VASH2: variants seen among roughly 807,000 people sequenced by gnomAD.
VASH2 encodes the protein vasohibin 2.
In VASH2, 28 loss-of-function variants were observed where a neutral mutation model predicts 37.2. The ratio of observed to expected loss-of-function variants is 0.75; its 90% CI spans 0.56 to 1.03. VASH2 has a LOEUF of 1.03. VASH2 is among the 50% of genes least tolerant of loss of function. VASH2 has a pLI of 0.00. For synonymous variants in VASH2, 188 were observed against 174.7 expected, an observed-to-expected ratio of 1.08 and a Z score of -0.60; for missense variants, 419 against 459.1, an observed-to-expected ratio of 0.91 and a Z score of 0.80.
At chr1:212,958,467 C>T (rs1666564110) in intron 2 of VASH2, among the ~76,000 whole-genome samples, 1 of 152,214 alleles carries the variant, frequency 6.6e-6, no homozygotes, top group African/African-American at 2.4e-5. Context: ...TGGGGACCAC[C>T]TGCCGTCTGC....
chr1:212,976,360 T>G (rs532428410), intron 7 of VASH2, among the ~76,000 whole-genome samples: 2 of 152,298 alleles, frequency 1.3e-5, no homozygotes, highest in East Asian at 1.9e-4. Context: ...GAGCGATAAC[T>G]GCACAAGCCC....
At position 212,983,566 on chromosome 1, in the gene VASH2, G is replaced by A. The variant is rs116243615; in HGVS notation, c.996-4946G>A. Among the ~76,000 whole-genome samples, 488 of 152,336 alleles carry A rather than the reference G, an allele frequency of 3.2e-3. 3 individuals carry two copies. The highest frequency in any genetic ancestry group is 0.01 in the African/African-American group (428 of 41,578). The stretch of plus-strand genomic sequence containing the variant: ...CCCTGCCTCCCAACCCCACTGCACC[G>A]AGGATCGAGTTTCCAAACCCATGAA... On this transcript the variant is annotated intron_variant, in intron 7 of 7. Transcript: ENST00000517399.
At chr1:212,955,439 A>G (rs1330643852) in intron 2 of VASH2, among the ~76,000 whole-genome samples, 1 of 152,164 alleles carries the variant, frequency 6.6e-6, no homozygotes, top group African/African-American at 2.4e-5. Context: ...TGACGAGGTC[A>G]AAGGCAGGAT....
Position 212,951,468 on chromosome 1 carries a change from C to T in VASH2, c.-75C>T. 1 of 949,600 alleles carries T rather than the reference C, an allele frequency of 1.1e-6. No individual in the cohort carries two copies. Among genetic ancestry groups the T allele is most frequent in the Non-Finnish European group, 1.3e-6 (1 of 774,032 alleles). The allele number at this position is 949,600 out of a possible 1,614,324, so 58.8% of individuals were successfully genotyped here. Reference sequence around the variant, plus strand: ...CTGATCCCCTCGCCGCGCCCGCGCGCACACGCCCCCCGCCGCCGCCGCCGC... The same window carrying T: ...CTGATCCCCTCGCCGCGCCCGCGCGTACACGCCCCCCGCCGCCGCCGCCGC... On this transcript the variant is annotated 5_prime_UTR_variant, in exon 2 of 8. Transcript: ENST00000517399. The surrounding 1 kb of genome is among the most constrained non-coding windows in gnomAD (Gnocchi z 4.4).
chr1:212,963,438 A>C (rs1666738831), intron 3 of VASH2, among the ~76,000 whole-genome samples: 1 of 152,176 alleles, frequency 6.6e-6, no homozygotes, highest in African/African-American at 2.4e-5. Context: ...TCCTGGACAC[A>C]GTGACAGGTG....
chr1:212,970,898 G>GAAAA (rs111890314), intron 5 of VASH2, among the ~76,000 whole-genome samples: 4,894 of 143,420 alleles, frequency 0.034, 244 homozygotes, highest in Admixed American at 0.14. Context: ...TCAAAAAAAT[G>GAAAA]AAAAAAAAAA....
Position 212,965,726 on chromosome 1 carries a change from A to G in VASH2, c.370A>G (p.Asn124Asp). 6.4e-7 allele frequency: 1 copy of G among 1,551,978 alleles called. No individual in the cohort carries two copies. The highest frequency in any genetic ancestry group is 8.7e-7 in the Non-Finnish European group (1 of 1,146,762). Reference protein sequence around the residue: ...IQNYMKTLQYNHTGTQFFEIR... With the variant: ...IQNYMKTLQYDHTGTQFFEIR... Reference sequence around the variant, plus strand: ...CCCTTTACATACTTTACACAGATATAATCACACAGGGACCCAGTTCTTTGA... The same window carrying G: ...CCCTTTACATACTTTACACAGATATGATCACACAGGGACCCAGTTCTTTGA... The change falls in exon 4 of 8, where the codon AAT becomes GAT. Residue 124 changes from asparagine (N) to aspartate (D), a missense_variant. By Grantham distance (23) the Asn-to-Asp change is conservative (BLOSUM62 1). This residue lies in a region of VASH2 where 84 missense variants were observed against 129.9 expected (regional missense o/e 0.65). Transcript: ENST00000517399.
chr1:212,988,425 A>G (rs573659504), intron 7 of VASH2, 87 bp from the exon 8 acceptor site: 3 of 1,391,608 alleles, frequency 2.2e-6, no homozygotes, highest in Admixed American at 1.8e-5. Flanking sequence ...AAGGATTAGG[A>G]AAACCGAGTA....
At chr1:212,985,342 T>C (rs1386532203) in intron 7 of VASH2, among the ~76,000 whole-genome samples, 2 of 150,844 alleles carry the variant, frequency 1.3e-5, no homozygotes, top group African/African-American at 4.9e-5. Flanking sequence ...CACCCAGCCA[T>C]GATTCACTTT....
In VASH2 at chr1:212,973,904, G is replaced by T. The variant is rs770585779; in HGVS notation, c.880-51G>T. 3.2e-6 allele frequency: 5 copies of T among 1,586,552 alleles called. No homozygotes were observed. The Admixed American group carries it at 6.9e-5, about 22-fold the overall frequency. On this transcript the variant is annotated intron_variant, in intron 6 of 7. Transcript: ENST00000517399. ...ATGTGGTGCTAGAAGAAGACCTGAG[G>T]GTGGAGGTCCCTTAGGAACCAGGGT...
intron 2 of VASH2, among the ~76,000 whole-genome samples, chr1:212,960,839 A>G (rs988617874): frequency 2.0e-5 from 3 of 152,232 alleles, no homozygotes; most frequent in African/African-American, 7.2e-5. Context: ...GTGGGGGGAC[A>G]TGATAGAACA....
chr1:212,962,371 A>G (rs1666706219), intron 3 of VASH2, among the ~76,000 whole-genome samples: 1 of 152,164 alleles, frequency 6.6e-6, no homozygotes, highest in Non-Finnish European at 1.5e-5. Context: ...TCCTTCCTCC[A>G]TGAATGTATA....
chr1:212,981,630 CA>C (rs1303860657), intron 7 of VASH2, among the ~76,000 whole-genome samples: 2 of 152,188 alleles, frequency 1.3e-5, no homozygotes, highest in Non-Finnish European at 2.9e-5. Flanking sequence ...ACTTTTCCCA[CA>C]CTTCCCTTCC....
intron 2 of VASH2, among the ~76,000 whole-genome samples, chr1:212,955,803 C>T (rs1666471826): frequency 6.6e-6 from 1 of 152,196 alleles, no homozygotes; most frequent in African/African-American, 2.4e-5. Context: ...AAGGGCTGTC[C>T]CTGCCCGCTG....
chr1:212,958,765 G>A (rs1467142570), intron 2 of VASH2, among the ~76,000 whole-genome samples: 2 of 152,000 alleles, frequency 1.3e-5, no homozygotes, highest in East Asian at 1.9e-4. Context: ...TCAAGCTGGA[G>A]TGCGGTGGCC....
At chr1:212,969,648 G>A (rs1443811214) in intron 5 of VASH2, among the ~76,000 whole-genome samples, 2 of 152,278 alleles carry the variant, frequency 1.3e-5, no homozygotes, top group Non-Finnish European at 1.5e-5. Context: ...TGATCTGCCC[G>A]CCTCAGCCTC....
chr1:212,982,505 C>A (rs1667367387), intron 7 of VASH2, among the ~76,000 whole-genome samples: 1 of 152,102 alleles, frequency 6.6e-6, no homozygotes, highest in African/African-American at 2.4e-5. Flanking sequence ...AAAATAAACC[C>A]CCTTGCAATA....
chr1:212,953,232 G>GT (rs201288330), intron 2 of VASH2, among the ~76,000 whole-genome samples: 7 of 125,296 alleles, frequency 5.6e-5, no homozygotes, highest in Admixed American at 3.0e-4. Flanking sequence ...CGGGTGCGCG[G>GT]GGGGGGGTGC....
At chr1:212,987,303 C>T (rs1305513018) in intron 7 of VASH2, among the ~76,000 whole-genome samples, 3 of 149,298 alleles carry the variant, frequency 2.0e-5, no homozygotes, top group African/African-American at 7.5e-5. Context: ...CGGCTGGGTG[C>T]GGTGGCTCAC....
Sources: allele counts gnomAD v4.1 joint callset (sites outside exome capture counted in the v4.1 genomes callset), GRCh38; gene constraint gnomAD v4.1.1; regional missense constraint gnomAD v4.1.1; non-coding constraint Gnocchi (gnomAD v3.1); transcripts MANE v1.5; gene names NCBI Gene and HGNC (gene_info 2026-07-23, HGNC 2026-07-21).